COL23A1: variants seen among roughly 807,000 people sequenced by gnomAD.
COL23A1 encodes the protein collagen type XXIII alpha 1 chain.
COL23A1 carries 97 observed loss-of-function variants against 99.3 expected under a neutral mutation model. The ratio of observed to expected loss-of-function variants is 0.98; its 90% CI spans 0.83 to 1.16. The LOEUF is 1.16. Ranked by LOEUF, COL23A1 falls within the 50% of genes most tolerant of loss-of-function variation. COL23A1 has a pLI of 0.00. For synonymous variants in COL23A1, 320 were observed against 308.2 expected (o/e 1.04, Z -0.40); for missense variants, 762 against 757.4 (o/e 1.01, Z -0.07).
intron 2 of COL23A1, chr5:178,377,999 C>A (rs543846688): frequency 6.6e-6 from 1 of 152,378 alleles, no homozygotes; most frequent in African/African-American, 2.4e-5. Flanking sequence ...AGCCCACGAG[C>A]TCCGGGCTGA....
At chr5:178,480,271 T>C (rs1340596032) in intron 2 of COL23A1, among the ~76,000 whole-genome samples, 2 of 152,114 alleles carry the variant, frequency 1.3e-5, no homozygotes, top group East Asian at 1.9e-4. Flanking sequence ...CAAACCAAAC[T>C]AAAACTCTGC....
At chr5:178,454,772 C>T (rs1176775475) in intron 2 of COL23A1, among the ~76,000 whole-genome samples, 1 of 152,206 alleles carries the variant, frequency 6.6e-6, no homozygotes, top group Non-Finnish European at 1.5e-5. Context: ...GGTGTGCAGG[C>T]GTGTTCATTA....
At position 178,267,293 on chromosome 5, in the gene COL23A1, T is replaced by G; in HGVS notation, c.522+14A>C. ...ACCATGTGGGCAGTGAGGGAGGTCA[T>G]GCCTGGTTCTTACCCGGGGGCCAAA... On this transcript the variant is annotated intron_variant, in intron 8 of 28. Coordinates refer to ENST00000390654, the MANE Select transcript of COL23A1 (RefSeq NM_173465.4). 6.2e-7 allele frequency: 1 copy of G among 1,614,022 alleles called. No individual in the cohort carries two copies. Among genetic ancestry groups the G allele is most frequent in the Non-Finnish European group, 8.5e-7 (1 of 1,179,918 alleles).
chr5:178,481,130 TCAA>T (rs1757311981), intron 2 of COL23A1, among the ~76,000 whole-genome samples: 1 of 27,816 alleles, frequency 3.6e-5, no homozygotes, highest in African/African-American at 1.2e-4. Flanking sequence ...AGACTGTCTC[TCAA>T]AAAAAAAAAA....
chr5:178,387,773 T>C lies in COL23A1; in HGVS notation c.362-80854A>G, dbSNP rs1356324014. 6.6e-6 allele frequency among the ~76,000 whole-genome samples: 1 copy of C among 151,880 alleles called. No individual in the cohort carries two copies. Among genetic ancestry groups the C allele is most frequent in the African/African-American group, 2.4e-5 (1 of 41,146 alleles). Reference sequence around the variant, plus strand: ...TTCTCCCTACAGACAGTGTGGGCCATTTTCCCCCGCGCTGTGCTTGCGGAG... The same window carrying C: ...TTCTCCCTACAGACAGTGTGGGCCACTTTCCCCCGCGCTGTGCTTGCGGAG... On this transcript the variant is annotated intron_variant, in intron 2 of 28. Coordinates refer to ENST00000390654, the MANE Select transcript of COL23A1 (RefSeq NM_173465.4). This position sits in a 1 kb window ranked among gnomAD's most constrained non-coding sequence, Gnocchi z 4.7.
chr5:178,369,969 A>G (rs147158030), intron 2 of COL23A1, among the ~76,000 whole-genome samples: 1 of 152,352 alleles, frequency 6.6e-6, no homozygotes, highest in Non-Finnish European at 1.5e-5. Flanking sequence ...TGTGGCCCGA[A>G]GTACTGAGTC....
At chr5:178,510,397 C>G (rs898705528) in intron 2 of COL23A1, among the ~76,000 whole-genome samples, 1 of 152,114 alleles carries the variant, frequency 6.6e-6, no homozygotes, top group Non-Finnish European at 1.5e-5. Flanking sequence ...CAAAAACTAG[C>G]CAGGTGTGGT....
intron 2 of COL23A1, among the ~76,000 whole-genome samples, chr5:178,333,711 G>A (rs1018919248): frequency 2.6e-5 from 4 of 152,198 alleles, no homozygotes; most frequent in East Asian, 3.9e-4. Flanking sequence ...CTGGGAGGAC[G>A]TCCATCTGCA....
intron 2 of COL23A1, among the ~76,000 whole-genome samples, chr5:178,487,881 G>T (rs1439830381): frequency 1.3e-5 from 2 of 152,264 alleles, no homozygotes; most frequent in Admixed American, 1.3e-4. Flanking sequence ...TAGGTCATCA[G>T]CTTTCTCTAA....
chr5:178,531,024 C>G (rs549020545), intron 2 of COL23A1, among the ~76,000 whole-genome samples: 2 of 152,132 alleles, frequency 1.3e-5, no homozygotes, highest in African/African-American at 4.8e-5. Flanking sequence ...CGCGCCACCA[C>G]GCCTGGCTAA....
intron 1 of COL23A1, among the ~76,000 whole-genome samples, chr5:178,582,383 G>A (rs927452902): frequency 6.6e-6 from 1 of 152,114 alleles, no homozygotes; most frequent in Non-Finnish European, 1.5e-5. Context: ...GCCTGGAGGA[G>A]GGCACTGTGA....
intron 2 of COL23A1, among the ~76,000 whole-genome samples, chr5:178,558,699 AAAG>A (rs1361822917): frequency 2.6e-5 from 4 of 152,290 alleles, no homozygotes; most frequent in East Asian, 1.9e-4. Flanking sequence ...GGGGAGCGAA[AAAG>A]AAGGACTGTT....
At chr5:178,477,590 A>G (rs1054117078) in intron 2 of COL23A1, among the ~76,000 whole-genome samples, 1 of 152,200 alleles carries the variant, frequency 6.6e-6, no homozygotes, top group African/African-American at 2.4e-5. Flanking sequence ...AGAAGTGGTT[A>G]ATCACTGTGC....
intron 2 of COL23A1, among the ~76,000 whole-genome samples, chr5:178,345,822 G>T (rs1433362899): frequency 6.6e-6 from 1 of 151,946 alleles, no homozygotes; most frequent in East Asian, 1.9e-4. Flanking sequence ...GTTGCGCCCG[G>T]ACTTTTTGAA....
At chr5:178,416,706 A>T (rs1765330942) in intron 2 of COL23A1, among the ~76,000 whole-genome samples, 1 of 152,204 alleles carries the variant, frequency 6.6e-6, no homozygotes, top group Non-Finnish European at 1.5e-5. Context: ...AGGTTCAGAG[A>T]TTAAATAACT....
At chr5:178,510,977 A>G (rs1759174501) in intron 2 of COL23A1, among the ~76,000 whole-genome samples, 1 of 152,228 alleles carries the variant, frequency 6.6e-6, no homozygotes, top group South Asian at 2.1e-4. Context: ...ACCCTAGGTA[A>G]GAAAATCAGG....
Position 178,258,262 on chromosome 5 carries a change from T to TATATATATATATATATATACAC in COL23A1, c.730-696_730-695insGTGTATATATATATATATATAT. On this transcript the variant is annotated intron_variant, in intron 12 of 28. Coordinates refer to ENST00000390654, the MANE Select transcript of COL23A1 (RefSeq NM_173465.4). ...ATATATATATATATATATATATATA[T>TATATATATATATATATATACAC]ACACATGCAAATCAATTCTAGGCAC... is the stretch of plus-strand genomic sequence containing the variant. 9.1e-3 allele frequency among the ~76,000 whole-genome samples: 949 copies of TATATATATATATATATATACAC among 103,926 alleles called. 91 individuals are homozygous for TATATATATATATATATATACAC. Among genetic ancestry groups the TATATATATATATATATATACAC allele is most frequent in the Non-Finnish European group, 0.015 (690 of 44,736 alleles). The allele number at this position is 103,926 out of a possible 152,430, so 68.2% of individuals were successfully genotyped here. A position where few individuals can be genotyped will look rare whatever the true frequency, so the allele number is the denominator to read the frequency against.
chr5:178,292,110 A>C (rs1309435929), intron 3 of COL23A1, among the ~76,000 whole-genome samples: 1 of 152,058 alleles, frequency 6.6e-6, no homozygotes, highest in African/African-American at 2.4e-5. Flanking sequence ...CTGTGCCTGC[A>C]TCTGTACCTC....
intron 2 of COL23A1, among the ~76,000 whole-genome samples, chr5:178,514,547 C>T (rs1759397779): frequency 6.6e-6 from 1 of 152,224 alleles, no homozygotes; most frequent in Admixed American, 6.5e-5. Flanking sequence ...AATCCACAAC[C>T]TGTGCCCTAA....
Sources: gnomAD v4.1 joint callset for allele counts (sites outside exome capture counted in the v4.1 genomes callset) on GRCh38, gnomAD v4.1.1 for gene constraint, Gnocchi (gnomAD v3.1) non-coding constraint, MANE v1.5 for transcripts, NCBI Gene and HGNC (gene_info 2026-07-23, HGNC 2026-07-21) for gene names.